HPSE2: variants seen among roughly 807,000 people sequenced by gnomAD.
HPSE2 encodes inactive heparanase-2.
Under a neutral mutation model 60.5 loss-of-function variants are expected in HPSE2, and 38 were observed. The observed-to-expected ratio is 0.63, with a 90% CI of 0.48 to 0.82. The LOEUF (loss-of-function observed/expected upper bound fraction) is 0.82, where lower values mean the gene tolerates loss of function less well. Ranked by LOEUF, HPSE2 falls within the 40% of genes least tolerant of loss-of-function variation. The probability of loss-of-function intolerance (pLI) is 0.00; values close to 1 mark genes in which losing one functional copy is unlikely to be tolerated. For synonymous variants in HPSE2, 295 were observed against 293.2 expected (o/e 1.01, Z -0.06); for missense variants, 713 against 740.4 (o/e 0.96, Z 0.43).
At chr10:98,824,431 C>T (rs886916530) in intron 3 of HPSE2, among the ~76,000 whole-genome samples, 1 of 152,112 alleles carries the variant, frequency 6.6e-6, no homozygotes, top group Non-Finnish European at 1.5e-5. Flanking sequence ...TAACATAACT[C>T]AGAAAAATTT....
chr10:98,670,016 A>G (rs1318373376), intron 6 of HPSE2, among the ~76,000 whole-genome samples: 2 of 152,240 alleles, frequency 1.3e-5, no homozygotes, highest in African/African-American at 4.8e-5. Context: ...TGAAGGAGTC[A>G]TGCAGATTTC....
In HPSE2 at chr10:99,235,709, A is replaced by G. The variant is rs1849817739; in HGVS notation, c.94T>C (p.Leu32=). 2 of 1,614,022 alleles carry G rather than the reference A, an allele frequency of 1.2e-6. No individual in the cohort carries two copies. Among genetic ancestry groups the G allele is most frequent in the East Asian group, 2.2e-5 (1 of 44,830 alleles). Residue 32 remains leucine, a synonymous_variant, in exon 1 of 12, where the codon TTG becomes CTG. Transcript: ENST00000370552. ...LAPGALYLAL[L]LHLSLSSQAG... ...TGGGAGGAAAGGGAGAGATGGAGCA[A>G]CAGAGCCAAGTAGAGAGCCCCCGGG...
intron 3 of HPSE2, among the ~76,000 whole-genome samples, chr10:98,819,480 T>A (rs1436799155): frequency 6.7e-6 from 1 of 149,766 alleles, no homozygotes; most frequent in Admixed American, 6.7e-5. Context: ...TGGAAGGGAC[T>A]TCTTAGGAAA....
chr10:99,248,215 C>G, the HPSE2 span, among the ~76,000 whole-genome samples: 1 of 152,148 alleles, frequency 6.6e-6, no homozygotes, highest in Non-Finnish European at 1.5e-5. Context: ...TTGAAACCTC[C>G]TAGAGCCTTG....
intron 9 of HPSE2, among the ~76,000 whole-genome samples, chr10:98,539,006 T>C (rs1007911200): frequency 7.9e-5 from 12 of 152,332 alleles, no homozygotes; most frequent in Admixed American, 5.2e-4. Flanking sequence ...GCTGGTTCTC[T>C]CCTAGCAGCG....
At chr10:99,221,095 T>C (rs533954659) in intron 2 of HPSE2, among the ~76,000 whole-genome samples, 1 of 152,240 alleles carries the variant, frequency 6.6e-6, no homozygotes, top group Non-Finnish European at 1.5e-5. Flanking sequence ...TCCGCCCGCC[T>C]CAGCCTCCCA....
intron 9 of HPSE2, among the ~76,000 whole-genome samples, chr10:98,535,016 G>A (rs926998790): frequency 6.6e-6 from 1 of 152,050 alleles, no homozygotes; most frequent in Admixed American, 6.6e-5. Context: ...CCTTCCACCC[G>A]CCTCTCAGAT....
chr10:99,043,157 C>G (rs1351540924), intron 3 of HPSE2, among the ~76,000 whole-genome samples: 3 of 152,126 alleles, frequency 2.0e-5, no homozygotes, highest in Non-Finnish European at 4.4e-5. Flanking sequence ...CCCTTCCCTC[C>G]AAATAAGTTC....
the HPSE2 span, among the ~76,000 whole-genome samples, chr10:99,260,157 C>G: frequency 6.6e-6 from 1 of 152,028 alleles, no homozygotes; most frequent in Non-Finnish European, 1.5e-5. Context: ...AAAGTTAAAG[C>G]CCACAGATGT....
intron 2 of HPSE2, among the ~76,000 whole-genome samples, chr10:99,158,652 C>T (rs1262355475): frequency 3.5e-4 from 51 of 143,720 alleles, no homozygotes; most frequent in Non-Finnish European, 5.6e-4. Flanking sequence ...TGTTAGATGA[C>T]AAGTTAGTGG....
intron 9 of HPSE2, among the ~76,000 whole-genome samples, chr10:98,586,923 C>T (rs148239512): frequency 4.4e-3 from 675 of 152,208 alleles, no homozygotes; most frequent in Non-Finnish European, 7.9e-3. Flanking sequence ...CTGAGGGTTG[C>T]CATTTATAAA....
At chr10:98,609,048 C>T (rs1017904332) in intron 9 of HPSE2, among the ~76,000 whole-genome samples, 3 of 152,188 alleles carry the variant, frequency 2.0e-5, no homozygotes, top group Non-Finnish European at 2.9e-5. Context: ...TTTAAATATA[C>T]TACTGCTTCT....
chr10:99,254,216 G>A, the HPSE2 span, among the ~76,000 whole-genome samples: 26 of 152,080 alleles, frequency 1.7e-4, no homozygotes, highest in Non-Finnish European at 2.8e-4. Context: ...GATACACCTC[G>A]GAATACAATG....
At chr10:98,915,317 T>C (rs915421798) in intron 3 of HPSE2, among the ~76,000 whole-genome samples, 1 of 151,854 alleles carries the variant, frequency 6.6e-6, no homozygotes, top group Non-Finnish European at 1.5e-5. Context: ...CCGGCTAATT[T>C]TTTGTATTTT....
chr10:99,148,071 T>C (rs1846121162), intron 2 of HPSE2, among the ~76,000 whole-genome samples: 1 of 152,242 alleles, frequency 6.6e-6, no homozygotes. Flanking sequence ...GCTATGATAT[T>C]GCTGCCAAAA....
intron 2 of HPSE2, among the ~76,000 whole-genome samples, chr10:99,194,418 A>G (rs1848323832): frequency 6.6e-6 from 1 of 151,900 alleles, no homozygotes; most frequent in East Asian, 1.9e-4. Context: ...AAGAAATAAT[A>G]AAGACCAGAG....
chr10:99,258,331 A>T, the HPSE2 span, among the ~76,000 whole-genome samples: 1 of 152,124 alleles, frequency 6.6e-6, no homozygotes, highest in Non-Finnish European at 1.5e-5. Context: ...AAGATGTGCA[A>T]GACCTGAAAA....
intron 9 of HPSE2, among the ~76,000 whole-genome samples, chr10:98,594,633 T>C (rs1261175378): frequency 6.6e-6 from 1 of 152,182 alleles, no homozygotes; most frequent in Non-Finnish European, 1.5e-5. Context: ...AATGACAGGA[T>C]TCCCTTCTTT....
At chr10:99,298,658 C>A in the HPSE2 span, among the ~76,000 whole-genome samples, 1 of 148,518 alleles carries the variant, frequency 6.7e-6, no homozygotes. Context: ...AAGAAGTTCC[C>A]TATGTATAGG....
Sources: gnomAD v4.1 joint callset for allele counts (sites outside exome capture counted in the v4.1 genomes callset) on GRCh38, gnomAD v4.1.1 for gene constraint, MANE v1.5 for transcripts, NCBI Gene and HGNC (gene_info 2026-07-23, HGNC 2026-07-21) for gene names.